The following KIF19 variants were observed in gnomAD, a reference collection of about 807,000 sequenced individuals.
KIF19 encodes the protein kinesin family member 19.
Under a neutral mutation model 106.6 loss-of-function variants are expected in KIF19, and 98 were observed. That is an observed-to-expected ratio of 0.92 (90% CI 0.78 to 1.09). The LOEUF is 1.09. Among genes scored for constraint, KIF19 ranks in the 50% least tolerant of loss-of-function variants. KIF19 has a pLI of 0.00. For missense variants in KIF19, 1,373 were observed against 1,414.3 expected, an observed-to-expected ratio of 0.97 and a Z score of 0.47; for synonymous variants, 516 against 584.2, an observed-to-expected ratio of 0.88 and a Z score of 1.68.
At chr17:74,339,545 AC>A (rs2054303915) in intron 2 of KIF19, among the ~76,000 whole-genome samples, 1 of 150,740 alleles carries the variant, frequency 6.6e-6, no homozygotes, top group African/African-American at 2.4e-5. Context: ...GACCAATGAG[AC>A]ACCCATTCCC....
In KIF19 at chr17:74,347,780, T is replaced by C; in HGVS notation, c.928T>C (p.Ser310Pro). Residue 310 changes from serine to proline, a missense_variant, in exon 9 of 20, where the codon TCT becomes CCT. Around this residue, in one of 3 missense-constraint regions of KIF19, gnomAD observed 1,020 missense variants for 1,008.2 expected, o/e 1.01. Coordinates refer to ENST00000389916, the MANE Select transcript of KIF19 (RefSeq NM_153209.4). Reference protein sequence around the residue: ...DSKLTRLLKDSLGGNSRTVMI... With the variant: ...DSKLTRLLKDPLGGNSRTVMI... ...ACCACAGCCACCTCCCATCCAGGAC[T>C]CTCTGGGAGGAAACAGCCGCACAGT... The C allele has an allele frequency of 1.3e-6, 2 of 1,588,768 alleles. No individual in the cohort carries two copies. Among genetic ancestry groups the C allele is most frequent in the African/African-American group, 2.7e-5 (2 of 74,370 alleles).
chr17:74,352,023 C>T lies in KIF19; in HGVS notation c.1744C>T (p.His582Tyr), dbSNP rs2054722190. 4 of 1,563,022 alleles carry T rather than the reference C, an allele frequency of 2.6e-6. No individual in the cohort carries two copies. The highest frequency in any genetic ancestry group is 3.4e-6 in the Non-Finnish European group (4 of 1,162,512). The change falls in exon 13 of 20, where the codon CAC becomes TAC. Residue 582 changes from histidine to tyrosine, a missense_variant. By Grantham distance (83) the His-to-Tyr change is moderately conservative. Coordinates refer to ENST00000389916, the MANE Select transcript of KIF19 (RefSeq NM_153209.4). ...LEVENTEMQS[H>Y]ALLRDGALRH... ...GGTGGAGAACACCGAGATGCAGTCG[C>T]ACGCGCTGCTCCGCGACGGTGCGCT...
At chr17:74,350,635 G>C in intron 11 of KIF19, 60 bp downstream of exon 11, 1 of 1,609,014 alleles carries the variant, frequency 6.2e-7, no homozygotes, top group Admixed American at 1.7e-5. Context: ...AGAGGAGCAC[G>C]ACCTGTGGCT....
intron 7 of KIF19, among the ~76,000 whole-genome samples, chr17:74,345,206 G>T (rs941072713): frequency 1.3e-5 from 2 of 152,166 alleles, no homozygotes; most frequent in Admixed American, 6.5e-5. Context: ...AGCAGGGTTG[G>T]GGGGAATGGG....
At chr17:74,338,056 C>T (rs899065265) in intron 2 of KIF19, among the ~76,000 whole-genome samples, 1 of 152,220 alleles carries the variant, frequency 6.6e-6, no homozygotes, top group East Asian at 1.9e-4. Flanking sequence ...ATGCCCAGGA[C>T]GCTGTGAACT....
intron 2 of KIF19, among the ~76,000 whole-genome samples, chr17:74,336,103 C>G (rs1811192516): frequency 6.6e-6 from 1 of 152,200 alleles, no homozygotes; most frequent in Admixed American, 6.5e-5. Context: ...GAATCTCACT[C>G]CCTGACCCAG....
chr17:74,343,696 T>C (rs953673574), intron 5 of KIF19, among the ~76,000 whole-genome samples: 1 of 152,096 alleles, frequency 6.6e-6, no homozygotes, highest in African/African-American at 2.4e-5. Context: ...ATCTCCTGGG[T>C]GACATCTTAA....
rs1388583292 is a variant in KIF19 at position 74,354,888 on chromosome 17, G to A, written c.2813G>A (p.Gly938Glu). Residue 938 changes from glycine to glutamate, a missense_variant, in exon 19 of 20, where the codon GGA becomes GAA. Gly to Glu is a moderately conservative substitution (Grantham distance 98). Transcript: ENST00000389916. ...CCAGCCCCTGGTATCCGGCATCTGG[G>A]AAAGGTCACGCTACCTTTGGCCAAA... Reference protein sequence around the residue: ...RHPAPGIRHLGKVTLPLAKVK... With the variant: ...RHPAPGIRHLEKVTLPLAKVK... 1 of 1,570,638 alleles carries A rather than the reference G, an allele frequency of 6.4e-7. No homozygotes were observed. Among genetic ancestry groups the A allele is most frequent in the Non-Finnish European group, 8.6e-7 (1 of 1,158,440 alleles).
At chr17:74,347,538 A>AC (rs1351444853) in intron 8 of KIF19, among the ~76,000 whole-genome samples, 5 of 147,216 alleles carry the variant, frequency 3.4e-5, no homozygotes, top group African/African-American at 1.2e-4. Flanking sequence ...CCCTGTCTCA[A>AC]AAAAAAAAAA....
In KIF19 at chr17:74,332,718, G is replaced by C. The variant is rs9904232; in HGVS notation, c.120+4213G>C. ...CGAAGGCAGAAGGGCCACCAGGGGA[G>C]ATCTGGCCGGACAGCGTGACTCCTG... On this transcript the variant is annotated intron_variant, in intron 2 of 19. Coordinates refer to ENST00000389916, the MANE Select transcript of KIF19 (RefSeq NM_153209.4). Among the ~76,000 whole-genome samples, 533 of 152,312 alleles carry C rather than the reference G, an allele frequency of 3.5e-3. 4 individuals carry two copies. Among genetic ancestry groups the C allele is most frequent in the African/African-American group, 0.013 (524 of 41,570 alleles).
chr17:74,353,138 T>TGAAGG, intron 15 of KIF19, 58 bp from the exon 16 acceptor site: 1 of 1,472,200 alleles, frequency 6.8e-7, no homozygotes, highest in African/African-American at 1.4e-5. Context: ...GGGGTGGGGG[T>TGAAGG]GGGACCTCGG....
intron 5 of KIF19, among the ~76,000 whole-genome samples, chr17:74,343,789 G>A (rs918735712): frequency 2.6e-5 from 4 of 152,204 alleles, no homozygotes; most frequent in Non-Finnish European, 5.9e-5. Flanking sequence ...CGGGGTGGGG[G>A]TGCCCCCAGA....
In KIF19 at chr17:74,349,299, G is replaced by A. The variant is rs141609989; in HGVS notation, c.1163G>A (p.Arg388Gln). 57 of 1,611,984 alleles carry A rather than the reference G, an allele frequency of 3.5e-5. No individual in the cohort carries two copies. In the African/African-American group the frequency reaches 5.3e-4, roughly 15 times the overall value. ...CGCAAGATTGATGAGCAGACTGGGC[G>A]GGGCCAGGCCCGGGGCCGGCAGGAT... Reference protein sequence around the residue: ...LKRKIDEQTGRGQARGRQDRG... With the variant: ...LKRKIDEQTGQGQARGRQDRG... The change falls in exon 10 of 20, where the codon CGG becomes CAG. Residue 388 changes from arginine (R) to glutamine (Q), a missense_variant. Physicochemically the swap from Arg to Gln is conservative, Grantham distance 43. Transcript: ENST00000389916.
chr17:74,339,610 A>T (rs912267727), intron 2 of KIF19, among the ~76,000 whole-genome samples: 4 of 148,360 alleles, frequency 2.7e-5, no homozygotes, highest in South Asian at 2.1e-4. Flanking sequence ...TGAGATGCCC[A>T]TGCTGGCTGA....
At position 74,350,558 on chromosome 17, in the gene KIF19, C is replaced by T. The variant is rs1279411885; in HGVS notation, c.1371C>T (p.His457=). The change falls in exon 11 of 20, where the codon CAC becomes CAT. Residue 457 remains histidine, a synonymous_variant. Coordinates refer to ENST00000389916, the MANE Select transcript of KIF19 (RefSeq NM_153209.4). The part of the protein sequence containing the change: ...AMEVQIDTSR[H]LLTIAGWKHE... Reference sequence around the variant, plus strand: ...AGGTCCAGATTGACACCTCCCGACACCTGCTCACCATCGCCGGGTAAGCCC... The same window carrying T: ...AGGTCCAGATTGACACCTCCCGACATCTGCTCACCATCGCCGGGTAAGCCC... 6.8e-6 allele frequency: 11 copies of T among 1,612,976 alleles called. No homozygotes were observed. The highest frequency in any genetic ancestry group is 8.5e-6 in the Non-Finnish European group (10 of 1,179,838).
At chr17:74,333,184 T>A (rs1417211065) in intron 2 of KIF19, among the ~76,000 whole-genome samples, 2 of 152,084 alleles carry the variant, frequency 1.3e-5, no homozygotes, top group African/African-American at 4.8e-5. Context: ...CCCAAAGAGC[T>A]GAGCTGGTGG....
intron 2 of KIF19, among the ~76,000 whole-genome samples, chr17:74,334,740 A>G (rs2054179859): frequency 6.6e-6 from 1 of 152,018 alleles, no homozygotes; most frequent in Non-Finnish European, 1.5e-5. Flanking sequence ...TCCTTTAAAG[A>G]AACAAACAAA....
chr17:74,341,404 G>A (rs534967931), intron 2 of KIF19, among the ~76,000 whole-genome samples: 11 of 152,206 alleles, frequency 7.2e-5, no homozygotes, highest in African/African-American at 9.7e-5. Flanking sequence ...GATGCTGCCC[G>A]TTCTTCTGTT....
Position 74,354,453 on chromosome 17 carries a change from C to T in KIF19, c.2600C>T (p.Pro867Leu), listed in dbSNP as rs780972199. The change falls in exon 18 of 20, where the codon CCC (proline) becomes CTC (leucine). Residue 867 changes from proline to leucine, a missense_variant. Physicochemically the swap from Pro to Leu is moderately conservative, Grantham distance 98 (BLOSUM62 -3). This residue lies in a region of KIF19 where 1,020 missense variants were observed against 1,008.2 expected (regional missense o/e 1.01). Coordinates refer to ENST00000389916, the MANE Select transcript of KIF19 (RefSeq NM_153209.4). Reference sequence around the variant, plus strand: ...GGACATCATGGGGACGGCCCCAGGCCCTGGCTGCGTGGCCAGAAGAAAAGC... The same window carrying T: ...GGACATCATGGGGACGGCCCCAGGCTCTGGCTGCGTGGCCAGAAGAAAAGC... ...AVGHHGDGPR[P>L]WLRGQKKSLG... 1.1e-5 allele frequency: 18 copies of T among 1,610,130 alleles called. 2 individuals carry two copies. In the South Asian group the frequency reaches 2.0e-4, roughly 18 times the overall value.
Sources: gnomAD v4.1 joint callset for allele counts (sites outside exome capture counted in the v4.1 genomes callset) on GRCh38, gnomAD v4.1.1 for gene constraint, gnomAD v4.1.1 regional missense constraint, MANE v1.5 for transcripts, NCBI Gene and HGNC (gene_info 2026-07-23, HGNC 2026-07-21) for gene names.